Variants in ATRX observed in about 807,000 individuals in gnomAD.
ATRX encodes ATRX chromatin remodeler.
In ATRX, 12 loss-of-function variants were observed where a neutral mutation model predicts 172.6. The observed-to-expected ratio is 0.07, with a 90% CI of 0.04 to 0.11. ATRX has a LOEUF of 0.11. Ranked by LOEUF, ATRX falls within the 10% of genes least tolerant of loss-of-function variation. The pLI is 1.00. For synonymous variants in ATRX, 674 were observed against 594.7 expected (o/e 1.13, Z -1.94); for missense variants, 1,368 against 1,767.4 (o/e 0.77, Z 4.05).
chrX:77,513,508 C>G (rs2062949173), intron 34 of ATRX, among the ~76,000 whole-genome samples: 1 of 109,045 alleles, frequency 9.2e-6, no homozygotes, highest in African/African-American at 3.3e-5. Context: ...AGCTGGGAAC[C>G]CTGAATGGGG....
intron 15 of ATRX, among the ~76,000 whole-genome samples, chrX:77,636,954 AAGG>A (rs2068399200): frequency 1.0e-5 from 1 of 99,867 alleles, no homozygotes; most frequent in African/African-American, 3.8e-5. Flanking sequence ...AAGAAGGAGG[AAGG>A]AGGAGGAAGA....
At chrX:77,701,743 T>A (rs1207868781) in intron 2 of ATRX, among the ~76,000 whole-genome samples, 22 of 111,142 alleles carry the variant, frequency 2.0e-4, no homozygotes, top group African/African-American at 7.2e-4. Context: ...TTGAAAGTCA[T>A]CAGTATTTAA....
At chrX:77,584,678 A>G (rs1379535509) in intron 27 of ATRX, among the ~76,000 whole-genome samples, 4 of 111,759 alleles carry the variant, frequency 3.6e-5, no homozygotes, top group African/African-American at 9.8e-5. Context: ...AAAGATTTAA[A>G]TCTTAGACCT....
intron 25 of ATRX, among the ~76,000 whole-genome samples, chrX:77,598,180 A>G (rs782444036): frequency 1.6e-4 from 18 of 111,704 alleles, no homozygotes; most frequent in Admixed American, 8.6e-4. Flanking sequence ...GAATTAACAC[A>G]GAAACAGAAA....
rs781786868 is a variant in ATRX at position 77,588,035 on chromosome X, A to C, written c.6217+1799T>G. 2.7e-5 allele frequency among the ~76,000 whole-genome samples: 3 copies of C among 112,399 alleles called. No individual in the cohort carries two copies. In the South Asian group the frequency reaches 1.1e-3, roughly 41 times the overall value. On this transcript the variant is annotated intron_variant, in intron 27 of 34. Coordinates refer to ENST00000373344, the MANE Select transcript of ATRX (RefSeq NM_000489.6). ...CTTTCCAATTTCAACATCACTTTCA[A>C]AGCAATGGTAATGAAATAGTGCAGT...
intron 19 of ATRX, among the ~76,000 whole-genome samples, chrX:77,622,236 C>T (rs1004675746): frequency 2.7e-5 from 3 of 111,594 alleles, no homozygotes; most frequent in Non-Finnish European, 3.8e-5. Flanking sequence ...CGGTTTGTTA[C>T]GGAGGAAAAT....
chrX:77,727,744 G>A (rs1382638830), intron 1 of ATRX: 1 of 110,944 alleles, frequency 9.0e-6, no homozygotes. Flanking sequence ...TAGGTTGATG[G>A]GTGCAGCAAA....
chrX:77,717,477 C>T (rs1241041707), intron 1 of ATRX, among the ~76,000 whole-genome samples: 1 of 109,830 alleles, frequency 9.1e-6, no homozygotes, highest in Non-Finnish European at 1.9e-5. Flanking sequence ...GTGGCTCATG[C>T]CTGTGGTCTC....
At position 77,578,089 on chromosome X, in the gene ATRX, A is replaced by G. The variant is rs782004033; in HGVS notation, c.6218-3731T>C. Among the ~76,000 whole-genome samples, 7 of 111,637 alleles carry G rather than the reference A, an allele frequency of 6.3e-5. No individual in the cohort carries two copies. In the South Asian group the frequency reaches 2.6e-3, roughly 42 times the overall value. On this transcript the variant is annotated intron_variant, in intron 27 of 34. Transcript: ENST00000373344. ...CTTTGAATTGGAACTCAGCCTACACACATGAAGGGAGCATATAAACCTGCC... is the reference window on the plus strand; with the variant it reads ...CTTTGAATTGGAACTCAGCCTACACGCATGAAGGGAGCATATAAACCTGCC...
At chrX:77,653,533 T>A (rs1394894684) in intron 14 of ATRX, among the ~76,000 whole-genome samples, 1 of 111,924 alleles carries the variant, frequency 8.9e-6, no homozygotes, top group African/African-American at 3.2e-5. Context: ...AAATAGAGGT[T>A]ACCAGGGGAT....
chrX:77,516,940 T>C (rs1569514730), intron 34 of ATRX, among the ~76,000 whole-genome samples: 1 of 111,335 alleles, frequency 9.0e-6, no homozygotes, highest in South Asian at 3.7e-4. Context: ...TTTGAAACTA[T>C]ATAAACACAT....
At chrX:77,585,090 C>T (rs2148064198) in intron 27 of ATRX, among the ~76,000 whole-genome samples, 1 of 111,308 alleles carries the variant, frequency 9.0e-6, no homozygotes, top group African/African-American at 3.3e-5. Context: ...AAATGCAAAT[C>T]AAACTATGAG....
intron 22 of ATRX, among the ~76,000 whole-genome samples, chrX:77,603,358 A>C (rs1557088245): frequency 1.8e-5 from 2 of 109,949 alleles, no homozygotes; most frequent in Admixed American, 9.7e-5. Context: ...GGTCATTTTA[A>C]TAATATAATT....
At chrX:77,719,397 A>C (rs1045737603) in intron 1 of ATRX, among the ~76,000 whole-genome samples, 16 of 111,472 alleles carry the variant, frequency 1.4e-4, no homozygotes, top group African/African-American at 4.6e-4. Context: ...AAACCACAAC[A>C]AGAAACCAAT....
intron 2 of ATRX, among the ~76,000 whole-genome samples, chrX:77,704,301 G>A (rs1206708145): frequency 8.9e-6 from 1 of 111,883 alleles, no homozygotes; most frequent in Non-Finnish European, 1.9e-5. Flanking sequence ...CCTAGAGTGG[G>A]TTGCTCCTCT....
At chrX:77,703,747 T>C (rs1479377479) in intron 2 of ATRX, among the ~76,000 whole-genome samples, 6 of 111,745 alleles carry the variant, frequency 5.4e-5, no homozygotes, top group Non-Finnish European at 1.1e-4. Context: ...ATGAGGTGCA[T>C]AGAAAAGTGG....
rs1557152799 is a variant in ATRX at position 77,700,387 on chromosome X, G to A, written c.134-1758C>T. ...AAAGAAACTATCATTTATTGCTGGT[G>A]GGAATGCAAAATGATACAGCCACTC... is the stretch of plus-strand genomic sequence containing the variant. On this transcript the variant is annotated intron_variant, in intron 2 of 34. Transcript: ENST00000373344. Among the ~76,000 whole-genome samples the A allele has an allele frequency of 7.2e-5, 8 of 111,724 alleles. 1 individual carries two copies. Among genetic ancestry groups the A allele is most frequent in the African/African-American group, 2.3e-4 (7 of 30,733 alleles).
At chrX:77,748,674 C>T (rs2075183264) in intron 1 of ATRX, among the ~76,000 whole-genome samples, 1 of 107,392 alleles carries the variant, frequency 9.3e-6, no homozygotes, top group Admixed American at 1.0e-4. Flanking sequence ...GTAACCTCCG[C>T]CTCCTGGGTT....
At chrX:77,754,785 C>T (rs2075427302) in intron 1 of ATRX, among the ~76,000 whole-genome samples, 1 of 111,506 alleles carries the variant, frequency 9.0e-6, no homozygotes, top group Non-Finnish European at 1.9e-5. Context: ...TTCATTTCAA[C>T]CTTGGAGAAT....
Sources: gnomAD v4.1 joint callset for allele counts (sites outside exome capture counted in the v4.1 genomes callset) on GRCh38, gnomAD v4.1.1 for gene constraint, MANE v1.5 for transcripts, NCBI Gene and HGNC (gene_info 2026-07-23, HGNC 2026-07-21) for gene names.